The following PGAP1 variants were observed in gnomAD, a reference collection of about 807,000 sequenced individuals.
The protein encoded by PGAP1 is post-GPI attachment to proteins inositol deacylase 1.
PGAP1 carries 76 observed loss-of-function variants against 127.0 expected under a neutral mutation model. That is an observed-to-expected ratio of 0.60 (90% confidence interval 0.50 to 0.72). The LOEUF is 0.72. Among genes scored for constraint, PGAP1 ranks in the 30% least tolerant of loss-of-function variants. PGAP1 has a pLI of 0.00. For missense variants in PGAP1, 982 were observed against 1,071.3 expected, an observed-to-expected ratio of 0.92 and a Z score of 1.16; for synonymous variants, 362 against 366.5, an observed-to-expected ratio of 0.99 and a Z score of 0.14.
At chr2:196,864,390 C>CA (rs752788293) in intron 20 of PGAP1, among the ~76,000 whole-genome samples, 8,930 of 30,674 alleles carry the variant, frequency 0.29, 1,112 homozygotes, top group African/African-American at 0.36. Flanking sequence ...AACTACGTCT[C>CA]AAAAAAAAAA....
At chr2:196,853,558 C>T (rs1449974547) in intron 20 of PGAP1, among the ~76,000 whole-genome samples, 2 of 152,130 alleles carry the variant, frequency 1.3e-5, no homozygotes, top group South Asian at 2.1e-4. Flanking sequence ...TCATCAGGTT[C>T]GTTCAAGTTC....
chr2:196,896,894 G>A (rs2125822675), intron 7 of PGAP1, among the ~76,000 whole-genome samples: 2 of 151,222 alleles, frequency 1.3e-5, no homozygotes, highest in South Asian at 4.2e-4. Flanking sequence ...AAGAACTGGG[G>A]GAAGATTTAA....
rs929264637 is a variant in PGAP1, at chr2:196,841,006, C to A, written c.*228G>T. 2.8e-5 allele frequency: 13 copies of A among 465,480 alleles called. No individual in the cohort carries two copies. The highest frequency in any genetic ancestry group is 2.6e-4 in the African/African-American group (13 of 50,874). The allele number at this position is 465,480 out of a possible 1,614,324, so 28.8% of individuals were successfully genotyped here. On this transcript the variant is annotated 3_prime_UTR_variant, in exon 27 of 27. Coordinates refer to ENST00000354764, the MANE Select transcript of PGAP1 (RefSeq NM_024989.4). ...TGATAGTGATCACCATATATCCCTT[C>A]ATGAATTTTTCAAAAATGATTACTA...
Position 196,922,482 on chromosome 2 carries a change from CT to C in PGAP1, c.148-2333del, listed in dbSNP as rs996093621. 3 of 977,324 alleles carry C rather than the reference CT, an allele frequency of 3.1e-6. No individual in the cohort carries two copies. In the African/African-American group the frequency reaches 5.4e-5, roughly 18 times the overall value. 60.5% of individuals were successfully genotyped at this position (977,324 alleles called of 1,614,324 possible). On this transcript the variant is annotated intron_variant, in intron 1 of 26. Transcript: ENST00000354764. ...GCTCCATTAAAAAAAAAAAAAAGGC[CT>C]TAAGGACAACTGAATTTTTCAGACT...
In PGAP1 at chr2:196,858,340, T is replaced by C. The variant is rs564147108; in HGVS notation, c.1861+6647A>G. On this transcript the variant is annotated intron_variant, in intron 20 of 26. Transcript: ENST00000354764. ...TGGCGTAAACCAGGGAGACAGAGCTTGCAGTTAGCTGAGATCGTACCACCA... is the reference window on the plus strand; with the variant it reads ...TGGCGTAAACCAGGGAGACAGAGCTCGCAGTTAGCTGAGATCGTACCACCA... 3.3e-5 allele frequency among the ~76,000 whole-genome samples: 5 copies of C among 151,622 alleles called. No individual in the cohort carries two copies. The South Asian group carries it at 8.3e-4, about 25-fold the overall frequency.
chr2:196,917,795 C>T (rs1703064969), intron 2 of PGAP1, among the ~76,000 whole-genome samples: 1 of 151,964 alleles, frequency 6.6e-6, no homozygotes, highest in Non-Finnish European at 1.5e-5. Flanking sequence ...CTGCTATGAA[C>T]ATTTATATAC....
chr2:196,922,174 G>C lies in PGAP1; in HGVS notation c.148-2024C>G. The C allele has an allele frequency of 3.9e-6, 5 of 1,297,176 alleles. No individual in the cohort carries two copies. In the South Asian group the frequency reaches 6.3e-5, roughly 16 times the overall value. 80.4% of individuals were successfully genotyped at this position (1,297,176 alleles called of 1,614,324 possible). A position where few individuals can be genotyped will look rare whatever the true frequency, so the allele number is the denominator to read the frequency against. Reference sequence around the variant, plus strand: ...CTTCCTTGACTCTGCCTTAGTTCAGGTTCTTCTCATCTCTACATAAACTCA... The same window carrying C: ...CTTCCTTGACTCTGCCTTAGTTCAGCTTCTTCTCATCTCTACATAAACTCA... On this transcript the variant is annotated intron_variant, in intron 1 of 26. Coordinates refer to ENST00000354764, the MANE Select transcript of PGAP1 (RefSeq NM_024989.4).
intron 20 of PGAP1, among the ~76,000 whole-genome samples, chr2:196,852,190 T>G: frequency 6.6e-6 from 1 of 152,208 alleles, no homozygotes; most frequent in Middle Eastern, 3.2e-3. Flanking sequence ...AATTCCAAAA[T>G]GAAATCTATA....
intron 20 of PGAP1, among the ~76,000 whole-genome samples, chr2:196,857,734 C>T (rs926175435): frequency 7.9e-5 from 12 of 152,178 alleles, no homozygotes; most frequent in African/African-American, 2.9e-4. Flanking sequence ...AGACTGCAAC[C>T]TGGAACAAAG....
At chr2:196,881,400 G>A (rs1164578825) in intron 12 of PGAP1, among the ~76,000 whole-genome samples, 2 of 152,152 alleles carry the variant, frequency 1.3e-5, no homozygotes, top group Non-Finnish European at 2.9e-5. Flanking sequence ...GGGATTACTA[G>A]GTCAAATGGT....
intron 1 of PGAP1, 93 bp downstream of exon 1, chr2:196,926,377 C>T: frequency 6.4e-7 from 1 of 1,571,282 alleles, no homozygotes; most frequent in South Asian, 1.2e-5. Context: ...CCGAGAGGCG[C>T]AGAGAGCCAA....
chr2:196,848,640 C>A (rs1700627907), intron 20 of PGAP1, among the ~76,000 whole-genome samples: 1 of 152,020 alleles, frequency 6.6e-6, no homozygotes. Context: ...CATTTAATTT[C>A]TTTTTAATCA....
intron 20 of PGAP1, among the ~76,000 whole-genome samples, chr2:196,856,343 C>T (rs1003408523): frequency 6.6e-6 from 1 of 151,966 alleles, no homozygotes; most frequent in South Asian, 2.1e-4. Flanking sequence ...TCTGAGATTG[C>T]TATGTGATCA....
At position 196,853,969 on chromosome 2, in the gene PGAP1, T is replaced by C. The variant is rs565483423; in HGVS notation, c.1862-5932A>G. On this transcript the variant is annotated intron_variant, in intron 20 of 26. Transcript: ENST00000354764. ...GCAATGGTACAATCATGGTCCACTG[T>C]AGCCTCAACCTTCCAAGCTTAAGTA... Among the ~76,000 whole-genome samples, 5 of 150,820 alleles carry C rather than the reference T, an allele frequency of 3.3e-5. No individual in the cohort carries two copies. In the East Asian group the frequency reaches 9.7e-4, roughly 29 times the overall value.
chr2:196,890,742 T>C, intron 10 of PGAP1, 86 bp downstream of exon 10: 1 of 723,482 alleles, frequency 1.4e-6, no homozygotes. Flanking sequence ...AATAGTAATA[T>C]TTCATAGCTA....
rs1244018556 is a variant in PGAP1, at chr2:196,835,811, CTT to C, written c.*5421_*5422del. On this transcript the variant is annotated 3_prime_UTR_variant, in exon 27 of 27. Coordinates refer to ENST00000354764, the MANE Select transcript of PGAP1 (RefSeq NM_024989.4). ...TGCTAAAGAGAATTCAAATGTGTCT[CTT>C]TTTTTTGCTAAAAAAGGGATGTAAA... 1 of 151,922 alleles carries C rather than the reference CTT, an allele frequency of 6.6e-6. No homozygotes were observed. The highest frequency in any genetic ancestry group is 2.4e-5 in the African/African-American group (1 of 41,284). 9.4% of individuals were successfully genotyped at this position (151,922 alleles called of 1,614,324 possible). A position where few individuals can be genotyped will look rare whatever the true frequency, so the allele number is the denominator to read the frequency against.
At chr2:196,852,735 G>T (rs1160545095) in intron 20 of PGAP1, among the ~76,000 whole-genome samples, 1 of 151,966 alleles carries the variant, frequency 6.6e-6, no homozygotes, top group Non-Finnish European at 1.5e-5. Flanking sequence ...ATGTGTTTTT[G>T]GTAAGGAAGG....
intron 25 of PGAP1, 126 bp from the exon 26 acceptor site, chr2:196,842,951 T>TC: frequency 2.5e-6 from 1 of 396,840 alleles, no homozygotes; most frequent in Non-Finnish European, 4.6e-6. Flanking sequence ...GAGCTCTAAA[T>TC]AGTTCATGAA....
intron 19 of PGAP1, 109 bp from the exon 20 acceptor site, chr2:196,865,189 A>C: frequency 6.7e-6 from 4 of 594,120 alleles, no homozygotes; most frequent in Non-Finnish European, 1.2e-5. Flanking sequence ...CATGGCTACA[A>C]AGATATTTCC....
Sources: allele counts gnomAD v4.1 joint callset (sites outside exome capture counted in the v4.1 genomes callset), GRCh38; gene constraint gnomAD v4.1.1; transcripts MANE v1.5; gene names NCBI Gene and HGNC (gene_info 2026-07-23, HGNC 2026-07-21).